FBXO31: variants seen among roughly 807,000 people sequenced by gnomAD.
The protein encoded by FBXO31 is F-box only protein 31.
Under a neutral mutation model 54.4 loss-of-function variants are expected in FBXO31, and 24 were observed. That is an observed-to-expected ratio of 0.44 (90% CI 0.32 to 0.62). FBXO31 has a LOEUF of 0.62. Ranked by LOEUF, FBXO31 falls within the 20% of genes least tolerant of loss-of-function variation. The pLI is 0.05. For synonymous variants in FBXO31, 388 were observed against 335.6 expected (o/e 1.16, Z -1.71); for missense variants, 665 against 787.1 (o/e 0.84, Z 1.86).
intron 1 of FBXO31, among the ~76,000 whole-genome samples, chr16:87,363,251 G>A (rs1906213182): frequency 6.6e-6 from 1 of 152,138 alleles, no homozygotes; most frequent in East Asian, 1.9e-4. Flanking sequence ...GGGCATGGTG[G>A]TGCATGCCTG....
At chr16:87,387,144 TAGAA>T (rs1425518904), upstream of FBXO31, among the ~76,000 whole-genome samples, 9 of 151,488 alleles carry the variant, frequency 5.9e-5, no homozygotes, top group East Asian at 3.9e-4. Context: ...ATAATAATAA[TAGAA>T]AGAAAAGAAT....
intron 7 of FBXO31, 120 bp from the exon 8 acceptor site, chr16:87,334,406 T>A: frequency 2.3e-6 from 2 of 869,728 alleles, no homozygotes; most frequent in Non-Finnish European, 3.5e-6. Context: ...CCTACTGACT[T>A]AGCAACGTCC....
chr16:87,370,240 C>T (rs747196607), intron 1 of FBXO31, among the ~76,000 whole-genome samples: 2 of 152,160 alleles, frequency 1.3e-5, no homozygotes, highest in Non-Finnish European at 2.9e-5. Context: ...ATGAAGAGGA[C>T]GGGAGGTGGC....
At position 87,345,114 on chromosome 16, in the gene FBXO31, G is replaced by C. The variant is rs566453183; in HGVS notation, c.490-1349C>G. 6.6e-6 allele frequency among the ~76,000 whole-genome samples: 1 copy of C among 152,184 alleles called. No homozygotes were observed. Among genetic ancestry groups the C allele is most frequent in the Non-Finnish European group, 1.5e-5 (1 of 68,028 alleles). On this transcript the variant is annotated intron_variant, in intron 3 of 8. Transcript: ENST00000311635. This position sits in a 1 kb window ranked among gnomAD's most constrained non-coding sequence, Gnocchi z 4.9. ...CTGGAAGAACCTGTGCAGAGGCCAC[G>C]GGGAGACAGACACACCCGCCCTCGC...
At chr16:87,355,294 G>A (rs1905842783) in intron 2 of FBXO31, among the ~76,000 whole-genome samples, 1 of 152,190 alleles carries the variant, frequency 6.6e-6, no homozygotes, top group African/African-American at 2.4e-5. Context: ...CACAAGCCAC[G>A]CACGGCCCCA....
chr16:87,386,792 G>C (rs187890243), upstream of FBXO31, among the ~76,000 whole-genome samples: 1 of 152,102 alleles, frequency 6.6e-6, no homozygotes, highest in Non-Finnish European at 1.5e-5. Flanking sequence ...TGATTGCAGG[G>C]TCATTACTGC....
chr16:87,332,668 C>G (rs1474900250), intron 8 of FBXO31, among the ~76,000 whole-genome samples: 1 of 150,978 alleles, frequency 6.6e-6, no homozygotes, highest in Admixed American at 6.6e-5. Flanking sequence ...ACCCTTCCCC[C>G]CACCCAGACA....
At position 87,344,535 on chromosome 16, in the gene FBXO31, A is replaced by C. The variant is rs150118283; in HGVS notation, c.490-770T>G. On this transcript the variant is annotated intron_variant, in intron 3 of 8. Coordinates refer to ENST00000311635, the MANE Select transcript of FBXO31 (RefSeq NM_024735.5). ...TGCCAGCTCCAGCAACCAAGGAGAG[A>C]ATTCCATCATTTCTGTGGCTCACGA... Among the ~76,000 whole-genome samples the C allele has an allele frequency of 2.9e-3, 446 of 152,234 alleles. 6 individuals carry two copies. Among genetic ancestry groups the C allele is most frequent in the Admixed American group, 0.027 (408 of 15,298 alleles).
intron 2 of FBXO31, among the ~76,000 whole-genome samples, chr16:87,350,900 C>T (rs1449063034): frequency 1.3e-5 from 2 of 152,218 alleles, no homozygotes; most frequent in Non-Finnish European, 2.9e-5. Flanking sequence ...CAGCAGCCTG[C>T]GAGATGCCAG....
rs946117279 is a variant in FBXO31 at position 87,383,703 on chromosome 16, G to C, written c.42C>G (p.Arg14=). The change falls in exon 1 of 9, where the codon CGC becomes CGG. Residue 14 remains arginine, a synonymous_variant. Transcript: ENST00000311635. The surrounding 1 kb of genome is among the most constrained non-coding windows in gnomAD (Gnocchi z 4.9). ...GGCGCTGCTGGCGGCGCCGACATCC[G>C]CGCGACGGGCCCACGCCGCAAAGGC... ...CARLCGVGPS[R]GCRRRQQRRG... 1.8e-5 allele frequency: 23 copies of C among 1,265,040 alleles called. No individual in the cohort carries two copies. In the East Asian group the frequency reaches 7.8e-4, roughly 43 times the overall value. The allele number at this position is 1,265,040 out of a possible 1,614,324, so 78.4% of individuals were successfully genotyped here.
At chr16:87,351,395 T>C (rs977713109) in intron 2 of FBXO31, among the ~76,000 whole-genome samples, 1 of 152,050 alleles carries the variant, frequency 6.6e-6, no homozygotes, top group Non-Finnish European at 1.5e-5. Flanking sequence ...CCTCCCTAAA[T>C]TGGGCTCTGG....
Position 87,331,062 on chromosome 16 carries a change from T to C in FBXO31, c.*226A>G. ...GCTGTATTCAGGCTCGTTCTCTCTGTTTTTGGTAAGACATGCTCAGCTTCT... is the reference window on the plus strand; with the variant it reads ...GCTGTATTCAGGCTCGTTCTCTCTGCTTTTGGTAAGACATGCTCAGCTTCT... On this transcript the variant is annotated 3_prime_UTR_variant, in exon 9 of 9. Coordinates refer to ENST00000311635, the MANE Select transcript of FBXO31 (RefSeq NM_024735.5). 9.4e-6 allele frequency: 5 copies of C among 531,584 alleles called. No homozygotes were observed. The highest frequency in any genetic ancestry group is 1.7e-5 in the Non-Finnish European group (5 of 295,694). The allele number at this position is 531,584 out of a possible 1,614,324, so 32.9% of individuals were successfully genotyped here.
chr16:87,378,717 T>C (rs1906938254), intron 1 of FBXO31, among the ~76,000 whole-genome samples: 1 of 152,084 alleles, frequency 6.6e-6, no homozygotes, highest in African/African-American at 2.4e-5. Context: ...ATCCCAGCAC[T>C]TTGGGAGGCA....
Position 87,342,885 on chromosome 16 carries a change from T to C in FBXO31, c.724A>G (p.Arg242Gly). 1.2e-6 allele frequency: 2 copies of C among 1,600,346 alleles called. No homozygotes were observed. The highest frequency in any genetic ancestry group is 1.7e-6 in the Non-Finnish European group (2 of 1,173,816). Residue 242 changes from arginine (R) to glycine (G), a missense_variant, in exon 5 of 9, where the codon AGG becomes GGG. Arg to Gly is a moderately radical substitution (Grantham distance 125, BLOSUM62 -2). Coordinates refer to ENST00000311635, the MANE Select transcript of FBXO31 (RefSeq NM_024735.5). ...QTDHHRMSGG[R>G]QEEFRTWLRE... ...CCGGCTGGTGGGCTCACCTCCTGCC[T>C]CCCGCCGGACATCCTGTGGTGGTCC...
chr16:87,352,311 T>C (rs1386774389), intron 2 of FBXO31, among the ~76,000 whole-genome samples: 1 of 152,168 alleles, frequency 6.6e-6, no homozygotes, highest in Non-Finnish European at 1.5e-5. Context: ...GTACCAAAAA[T>C]TAAATAGATG....
In FBXO31 at chr16:87,343,759, C is replaced by T. The variant is rs779067828; in HGVS notation, c.496G>A (p.Gly166Ser). Reference protein sequence around the residue: ...YGGLLNVVVDGLFIIGWMYLP... With the variant: ...YGGLLNVVVDSLFIIGWMYLP... ...TACATCCACCCGATGATGAACAGGC[C>T]GTCCACCTACAGGAGGAGATGGGCA... The change falls in exon 4 of 9, where the codon GGC becomes AGC. Residue 166 changes from glycine (G) to serine (S), a missense_variant. This residue lies in a region of FBXO31 where 234 missense variants were observed against 346.8 expected (regional missense o/e 0.67). Transcript: ENST00000311635. 3 of 1,614,160 alleles carry T rather than the reference C, an allele frequency of 1.9e-6. No homozygotes were observed. Among genetic ancestry groups the T allele is most frequent in the Non-Finnish European group, 2.5e-6 (3 of 1,180,012 alleles).
intron 1 of FBXO31, among the ~76,000 whole-genome samples, chr16:87,381,840 T>C (rs141490133): frequency 0.021 from 3,191 of 152,120 alleles, 56 homozygotes; most frequent in Non-Finnish European, 0.033. Flanking sequence ...CTGGCCAACA[T>C]AGTGAAACCC....
At position 87,331,392 on chromosome 16, in the gene FBXO31, A is replaced by G. The variant is rs1194036228; in HGVS notation, c.1516T>C (p.Phe506Leu). Residue 506 changes from phenylalanine to leucine, a missense_variant, in exon 9 of 9, where the codon TTC becomes CTC. Transcript: ENST00000311635. ...FGFVWLELKS[F>L]SLYSRVQATF... is the part of the protein sequence containing the mutation. Reference sequence around the variant, plus strand: ...GCCTGGACCCGGCTGTACAGGCTGAAGGATTTCAGCTCCAGCCAGACGAAC... The same window carrying G: ...GCCTGGACCCGGCTGTACAGGCTGAGGGATTTCAGCTCCAGCCAGACGAAC... The G allele has an allele frequency of 3.1e-6, 5 of 1,613,860 alleles. No individual in the cohort carries two copies. In the Admixed American group the frequency reaches 8.3e-5, roughly 27 times the overall value.
chr16:87,359,691 T>A (rs1906050093), intron 2 of FBXO31, among the ~76,000 whole-genome samples: 1 of 152,174 alleles, frequency 6.6e-6, no homozygotes, highest in Non-Finnish European at 1.5e-5. Flanking sequence ...AAGAGCTTCG[T>A]CCAGTGAGCA....
Sources: gnomAD v4.1 joint callset for allele counts (sites outside exome capture counted in the v4.1 genomes callset) on GRCh38, gnomAD v4.1.1 for gene constraint, gnomAD v4.1.1 regional missense constraint, Gnocchi (gnomAD v3.1) non-coding constraint, MANE v1.5 for transcripts, NCBI Gene and HGNC (gene_info 2026-07-23, HGNC 2026-07-21) for gene names.